ADCY9: variants seen among roughly 807,000 people sequenced by gnomAD.
The protein encoded by ADCY9 is adenylate cyclase type 9.
ADCY9 carries 50 observed loss-of-function variants against 101.5 expected under a neutral mutation model. The observed-to-expected ratio is 0.49, with a 90% confidence interval of 0.39 to 0.62. The LOEUF (loss-of-function observed/expected upper bound fraction) is 0.62, where lower values mean the gene tolerates loss of function less well. Ranked by LOEUF, ADCY9 falls within the 20% of genes least tolerant of loss-of-function variation. ADCY9 has a pLI of 0.00. For missense variants in ADCY9, 1,662 were observed against 1,800.4 expected (o/e 0.92, Z 1.39); for synonymous variants, 905 against 769.3 (o/e 1.18, Z -2.92).
intron 2 of ADCY9, among the ~76,000 whole-genome samples, chr16:4,011,006 G>A (rs926562215): frequency 6.6e-6 from 1 of 152,188 alleles, no homozygotes. Context: ...TGAAGCATGA[G>A]GACAGAAATT....
chr16:3,997,427 C>T (rs972911924), intron 3 of ADCY9, among the ~76,000 whole-genome samples: 3 of 152,228 alleles, frequency 2.0e-5, no homozygotes, highest in Admixed American at 6.5e-5. Context: ...CAGTGGTCTC[C>T]ACAGGTGGGG....
At chr16:4,037,295 G>A (rs1278965486) in intron 2 of ADCY9, among the ~76,000 whole-genome samples, 1 of 152,030 alleles carries the variant, frequency 6.6e-6, no homozygotes, top group African/African-American at 2.4e-5. Flanking sequence ...TCTAACCTGG[G>A]CAACAGAGCA....
chr16:4,070,541 C>T (rs1597207154), intron 2 of ADCY9, among the ~76,000 whole-genome samples: 1 of 152,150 alleles, frequency 6.6e-6, no homozygotes, highest in African/African-American at 2.4e-5. Flanking sequence ...ACTGGCTGGG[C>T]CTGGTGGCTC....
intron 5 of ADCY9, among the ~76,000 whole-genome samples, chr16:3,953,721 T>C (rs1051994768): frequency 6.6e-6 from 1 of 152,182 alleles, no homozygotes; most frequent in African/African-American, 2.4e-5. Context: ...CTTCAGCCAG[T>C]GTGTGTGGAA....
intron 2 of ADCY9, among the ~76,000 whole-genome samples, chr16:4,007,869 C>G (rs1256816951): frequency 6.6e-6 from 1 of 152,110 alleles, no homozygotes; most frequent in African/African-American, 2.4e-5. Flanking sequence ...GTCCCAGGAC[C>G]TCCCCGTGAA....
At chr16:4,014,525 G>A (rs1413138816) in intron 2 of ADCY9, among the ~76,000 whole-genome samples, 1 of 150,202 alleles carries the variant, frequency 6.7e-6, no homozygotes, top group Non-Finnish European at 1.5e-5. Flanking sequence ...TCAGCTCACT[G>A]CAACCTCCGC....
intron 5 of ADCY9, among the ~76,000 whole-genome samples, chr16:3,953,721 T>A (rs1051994768): frequency 1.3e-5 from 2 of 152,182 alleles, no homozygotes; most frequent in Admixed American, 6.5e-5. Context: ...CTTCAGCCAG[T>A]GTGTGTGGAA....
Position 3,955,537 on chromosome 16 carries a change from G to GGTTTGTTT in ADCY9, c.568-2029_568-2022dup, listed in dbSNP as rs34842697. ...GAAGTCTACGGATGTCCTTCATTTA[G>GGTTTGTTT]GTTTGTTTGTTTGTTTGTTTGTTTT... On this transcript the variant is annotated intron_variant, in intron 5 of 5. Transcript: ENST00000576936. 3.8e-3 allele frequency among the ~76,000 whole-genome samples: 572 copies of GGTTTGTTT among 152,090 alleles called. 6 individuals carry two copies. The highest frequency in any genetic ancestry group is 0.013 in the African/African-American group (550 of 41,506).
At position 3,983,288 on chromosome 16, in the gene ADCY9, C is replaced by T; in HGVS notation, c.2463G>A (p.Leu821=). ...AATVPPPPAA[L]AVFSAALLLE... ...GCAGCAGGGCTGCACTGAAGACCGC[C>T]AGGGCGGCGGGCGGGGGAGGCACGG... The change falls in exon 7 of 11, where the codon CTG becomes CTA. Residue 821 remains leucine (L), a synonymous_variant. Coordinates refer to ENST00000294016, the MANE Select transcript of ADCY9 (RefSeq NM_001116.4). 6.4e-7 allele frequency: 1 copy of T among 1,558,774 alleles called. No homozygotes were observed. The highest frequency in any genetic ancestry group is 8.7e-7 in the Non-Finnish European group (1 of 1,151,552).
chr16:4,087,282 C>A (rs576362412), intron 2 of ADCY9, among the ~76,000 whole-genome samples: 1 of 152,014 alleles, frequency 6.6e-6, no homozygotes, highest in East Asian at 1.9e-4. Flanking sequence ...CGTCTGTCAT[C>A]CCAGCACTTT....
At chr16:4,038,280 C>CA (rs71394643) in intron 2 of ADCY9, among the ~76,000 whole-genome samples, 22,078 of 107,864 alleles carry the variant, frequency 0.2, 2,138 homozygotes, top group African/African-American at 0.33. Context: ...GATTCTGTCT[C>CA]AAAAAAAAAA....
At chr16:3,953,397 T>G (rs911074614) in exon 6 of ADCY9, 4 of 152,188 alleles carry the variant, frequency 2.6e-5, no homozygotes, top group Non-Finnish European at 5.9e-5. Flanking sequence ...TTTTGGTAAT[T>G]GACAGAGCAT....
At chr16:4,019,740 A>G (rs1283999006) in intron 2 of ADCY9, among the ~76,000 whole-genome samples, 1 of 152,218 alleles carries the variant, frequency 6.6e-6, no homozygotes, top group East Asian at 1.9e-4. Context: ...GTTCCAGACT[A>G]GTGGAGGTAC....
rs866302787 is a variant in ADCY9 at position 4,018,185 on chromosome 16, A to G, written c.1694-10627T>C. 3.2e-4 allele frequency among the ~76,000 whole-genome samples: 48 copies of G among 152,040 alleles called. 1 individual carries two copies. Among genetic ancestry groups the G allele is most frequent in the Admixed American group, 2.6e-3 (40 of 15,258 alleles). Reference sequence around the variant, plus strand: ...CTGTAAACATCATATCATGCAAAGGAAAAGCTCTAAGTTGCGGAATATTCT... The same window carrying G: ...CTGTAAACATCATATCATGCAAAGGGAAAGCTCTAAGTTGCGGAATATTCT... On this transcript the variant is annotated intron_variant, in intron 2 of 10. Transcript: ENST00000294016.
At chr16:3,988,109 G>A (rs1167593000) in intron 6 of ADCY9, among the ~76,000 whole-genome samples, 5 of 152,076 alleles carry the variant, frequency 3.3e-5, no homozygotes, top group African/African-American at 1.2e-4. Flanking sequence ...GGAGGAACAC[G>A]AATCCAGAAC....
At chr16:4,087,704 T>C (rs901200361) in intron 2 of ADCY9, among the ~76,000 whole-genome samples, 4 of 151,812 alleles carry the variant, frequency 2.6e-5, no homozygotes, top group Non-Finnish European at 5.9e-5. Context: ...ACTACAGTCC[T>C]GAAGCAATCC....
chr16:3,957,417 C>A (rs2055913676), intron 5 of ADCY9, among the ~76,000 whole-genome samples: 1 of 151,914 alleles, frequency 6.6e-6, no homozygotes, highest in Non-Finnish European at 1.5e-5. Flanking sequence ...AAGTCATTCT[C>A]TTGAAGTCAA....
At position 3,966,189 on chromosome 16, in the gene ADCY9, C is replaced by T. The variant is rs1358144438; in HGVS notation, c.3648G>A (p.Leu1216=). 1 of 1,614,208 alleles carries T rather than the reference C, an allele frequency of 6.2e-7. No individual in the cohort carries two copies. The highest frequency in any genetic ancestry group is 8.5e-7 in the Non-Finnish European group (1 of 1,180,034). The part of the protein sequence containing the change: ...IQVSEESYRV[L]SKMGYDFDYR... ...AGTCGAAGTCATAGCCCATCTTGCT[C>T]AAGACGCGGTAGCTCTCTTCGCTCA... is the stretch of plus-strand genomic sequence containing the variant. Residue 1216 remains leucine, a synonymous_variant, in exon 11 of 11, where the codon TTG becomes TTA. Transcript: ENST00000294016.
chr16:3,979,474 T>C (rs56127417), intron 7 of ADCY9, among the ~76,000 whole-genome samples, 199 bp from the exon 8 acceptor site: 1 of 152,214 alleles, frequency 6.6e-6, no homozygotes, highest in South Asian at 2.1e-4. Context: ...CTTAGCTCAT[T>C]GTACCTGATT....
Sources: gnomAD v4.1 joint callset for allele counts (sites outside exome capture counted in the v4.1 genomes callset) on GRCh38, gnomAD v4.1.1 for gene constraint, MANE v1.5 for transcripts, NCBI Gene and HGNC (gene_info 2026-07-23, HGNC 2026-07-21) for gene names.